SH3KBP1: variants seen among roughly 807,000 people sequenced by gnomAD.
The protein encoded by SH3KBP1 is SH3 domain containing kinase binding protein 1.
SH3KBP1 carries 8 observed loss-of-function variants against 50.1 expected under a neutral mutation model. That is an observed-to-expected ratio of 0.16 (90% CI 0.09 to 0.29). SH3KBP1 has a LOEUF of 0.29. SH3KBP1 is among the 10% of genes least tolerant of loss of function. The pLI is 1.00. For missense variants in SH3KBP1, 377 were observed against 535.2 expected (o/e 0.70, Z 2.92); for synonymous variants, 227 against 218.6 (o/e 1.04, Z -0.34).
chrX:19,629,946 T>C (rs1017345466), intron 8 of SH3KBP1, among the ~76,000 whole-genome samples: 4 of 112,241 alleles, frequency 3.6e-5, no homozygotes, highest in African/African-American at 9.7e-5. Context: ...ATGGGACCGA[T>C]AGATACTCCC....
intron 1 of SH3KBP1, among the ~76,000 whole-genome samples, chrX:19,856,939 G>A (rs2068657160): frequency 1.2e-5 from 1 of 81,124 alleles, no homozygotes. Context: ...TTCCCCTAGA[G>A]CTAATACTAG....
chrX:19,629,734 G>T (rs1024521076), intron 8 of SH3KBP1, among the ~76,000 whole-genome samples: 1 of 112,426 alleles, frequency 8.9e-6, no homozygotes, highest in African/African-American at 3.2e-5. Context: ...CAATGTGAAA[G>T]TCAGGTCAAC....
intron 6 of SH3KBP1, among the ~76,000 whole-genome samples, chrX:19,648,848 C>T (rs1002778171): frequency 2.2e-4 from 24 of 111,295 alleles, no homozygotes; most frequent in Non-Finnish European, 2.6e-4. Flanking sequence ...CAAAGAAAAA[C>T]GGTGGTGAAT....
chrX:19,584,414 C>G (rs2066495411), intron 12 of SH3KBP1, among the ~76,000 whole-genome samples: 3 of 106,335 alleles, frequency 2.8e-5, no homozygotes, highest in Non-Finnish European at 5.8e-5. Context: ...ACTGCAGACT[C>G]AACCTCCTGG....
chrX:19,805,488 A>C (rs1030215021), intron 2 of SH3KBP1, among the ~76,000 whole-genome samples: 1 of 107,237 alleles, frequency 9.3e-6, no homozygotes. Flanking sequence ...AGGCATCCAC[A>C]GGAAGTTGTG....
intron 1 of SH3KBP1, among the ~76,000 whole-genome samples, chrX:19,836,518 C>G (rs2068061291): frequency 9.0e-6 from 1 of 111,615 alleles, no homozygotes; most frequent in Non-Finnish European, 1.9e-5. Flanking sequence ...GGTCTTGGGG[C>G]CAGCAGGCGC....
At chrX:19,786,372 A>G (rs969332127) in intron 2 of SH3KBP1, among the ~76,000 whole-genome samples, 19 of 111,908 alleles carry the variant, frequency 1.7e-4, no homozygotes, top group African/African-American at 6.2e-4. Flanking sequence ...ACGATGGGTA[A>G]AAAGGGGTTC....
intron 2 of SH3KBP1, among the ~76,000 whole-genome samples, chrX:19,769,686 A>C (rs2065728263): frequency 9.0e-6 from 1 of 111,301 alleles, no homozygotes; most frequent in African/African-American, 3.3e-5. Context: ...AAGATTAATC[A>C]GACTGCTAAA....
intron 13 of SH3KBP1, among the ~76,000 whole-genome samples, chrX:19,560,939 T>C (rs2065654472): frequency 1.8e-5 from 2 of 108,565 alleles, no homozygotes; most frequent in South Asian, 8.3e-4. Flanking sequence ...CTGGGCATGG[T>C]GGTGCACACC....
At chrX:19,718,201 A>T (rs926724478) in intron 3 of SH3KBP1, among the ~76,000 whole-genome samples, 2 of 110,388 alleles carry the variant, frequency 1.8e-5, no homozygotes, top group African/African-American at 6.6e-5. Flanking sequence ...AGCAGCATGT[A>T]GCATTTTAGT....
chrX:19,880,829 G>T (rs1484932560), intron 1 of SH3KBP1, among the ~76,000 whole-genome samples: 1 of 111,704 alleles, frequency 9.0e-6, no homozygotes, highest in East Asian at 2.8e-4. Context: ...GATAGGAGAT[G>T]CCAGGACTGA....
chrX:19,842,700 G>C (rs958249921), intron 1 of SH3KBP1, among the ~76,000 whole-genome samples: 1 of 111,255 alleles, frequency 9.0e-6, no homozygotes, highest in Admixed American at 9.6e-5. Flanking sequence ...GAGATAGTTT[G>C]ATGGGACTGT....
At chrX:19,862,012 C>T (rs866202821) in intron 1 of SH3KBP1, among the ~76,000 whole-genome samples, 5 of 112,100 alleles carry the variant, frequency 4.5e-5, no homozygotes, top group South Asian at 3.7e-4. Flanking sequence ...GGACCACTTC[C>T]GCCTCTTGGT....
At chrX:19,849,165 AGTGT>A (rs1453659031) in intron 1 of SH3KBP1, among the ~76,000 whole-genome samples, 1 of 110,290 alleles carries the variant, frequency 9.1e-6, no homozygotes, top group Non-Finnish European at 1.9e-5. Context: ...TCATGATGGA[AGTGT>A]GTGTCACCGC....
At chrX:19,564,559 T>C (rs974831583) in intron 13 of SH3KBP1, among the ~76,000 whole-genome samples, 22 of 110,110 alleles carry the variant, frequency 2.0e-4, no homozygotes, top group African/African-American at 5.6e-4. Flanking sequence ...CTCTCGCCTC[T>C]CTCTCTCTCT....
chrX:19,549,877 G>A (rs893820004), intron 14 of SH3KBP1, 97 bp downstream of exon 14: 10 of 600,686 alleles, frequency 1.7e-5, no homozygotes, highest in Admixed American at 3.3e-5. Flanking sequence ...TCCTCAAATC[G>A]GCTGCTTGCA....
At chrX:19,587,830 CTG>C (rs761010097) in intron 12 of SH3KBP1, among the ~76,000 whole-genome samples, 4 of 112,475 alleles carry the variant, frequency 3.6e-5, no homozygotes, top group Non-Finnish European at 5.6e-5. Context: ...AATTCAGTGA[CTG>C]TGTGTTGACA....
intron 7 of SH3KBP1, among the ~76,000 whole-genome samples, chrX:19,644,831 A>G (rs1222242868): frequency 1.8e-5 from 2 of 111,881 alleles, no homozygotes; most frequent in Non-Finnish European, 3.8e-5. Context: ...TGGCTCACAC[A>G]TGATATTTCT....
chrX:19,578,396 C>G (rs1005898450), intron 12 of SH3KBP1, among the ~76,000 whole-genome samples: 1 of 111,670 alleles, frequency 9.0e-6, no homozygotes, highest in Non-Finnish European at 1.9e-5. Context: ...CGCAAGTAAG[C>G]GCTCCCTTCC....
Sources: gnomAD v4.1 joint callset for allele counts (sites outside exome capture counted in the v4.1 genomes callset) on GRCh38, gnomAD v4.1.1 for gene constraint, MANE v1.5 for transcripts, NCBI Gene and HGNC (gene_info 2026-07-23, HGNC 2026-07-21) for gene names.